Variants in EML5 observed in about 807,000 individuals in gnomAD.
EML5 encodes the protein EMAP like 5.
A neutral mutation model predicts 250.0 loss-of-function variants in EML5; 120 were observed. The ratio of observed to expected loss-of-function variants is 0.48; its 90% CI spans 0.41 to 0.56. The LOEUF is 0.56. EML5 is among the 20% of genes least tolerant of loss of function. EML5 has a pLI of 0.00. For missense variants in EML5, 2,006 were observed against 2,437.6 expected (o/e 0.82, Z 3.73); for synonymous variants, 771 against 806.5 (o/e 0.96, Z 0.75).
intron 29 of EML5, 22 bp from the exon 30 acceptor site, chr14:88,644,533 G>C: frequency 6.2e-7 from 1 of 1,611,954 alleles, no homozygotes; most frequent in Admixed American, 1.7e-5. Context: ...AAGTGGGGAG[G>C]AGGAAAGGCA....
At chr14:88,682,167 C>T (rs2092726961) in intron 20 of EML5, 136 bp from the exon 21 acceptor site, 2 of 920,164 alleles carry the variant, frequency 2.2e-6, no homozygotes, top group Non-Finnish European at 2.9e-6. Context: ...TCTATCAAAA[C>T]TTTTCTGTTT....
chr14:88,783,697 G>A (rs1282113188), intron 1 of EML5, among the ~76,000 whole-genome samples: 1 of 152,110 alleles, frequency 6.6e-6, no homozygotes, highest in Non-Finnish European at 1.5e-5. Flanking sequence ...AGAGAGACAG[G>A]CCCCAATATA....
chr14:88,733,212 C>T (rs2093788020), intron 7 of EML5, among the ~76,000 whole-genome samples: 1 of 152,216 alleles, frequency 6.6e-6, no homozygotes, highest in Non-Finnish European at 1.5e-5. Flanking sequence ...GTTGGACTAT[C>T]CTCCTTTGGC....
intron 25 of EML5, among the ~76,000 whole-genome samples, chr14:88,660,952 TGTAA>T (rs2092076748): frequency 6.6e-6 from 1 of 152,126 alleles, no homozygotes; most frequent in African/African-American, 2.4e-5. Flanking sequence ...ATTTTATAAG[TGTAA>T]GTATTTTCTA....
intron 21 of EML5, among the ~76,000 whole-genome samples, chr14:88,680,114 T>C (rs530014144): frequency 2.0e-5 from 3 of 152,336 alleles, no homozygotes; most frequent in Non-Finnish European, 4.4e-5. Context: ...TATACTTATA[T>C]TATGATTTTG....
chr14:88,624,986 C>A lies in EML5; in HGVS notation c.4882G>T (p.Gly1628Trp). Residue 1628 changes from glycine (G) to tryptophan (W), a missense_variant, in exon 36 of 44, where the codon GGG (glycine) becomes TGG (tryptophan). Transcript: ENST00000554922. ...TTLRDGLIVT[G>W]GKERPSKEGG... ...AGGACTCACGGCCTTTCCTTTCCCC[C>A]AGTCACGATAAGTCCATCTCGCAGG... 6.2e-7 allele frequency: 1 copy of A among 1,613,434 alleles called. No individual in the cohort carries two copies. Among genetic ancestry groups the A allele is most frequent in the Non-Finnish European group, 8.5e-7 (1 of 1,179,604 alleles).
chr14:88,761,068 A>G (rs2094234728), intron 1 of EML5, among the ~76,000 whole-genome samples: 1 of 152,166 alleles, frequency 6.6e-6, no homozygotes, highest in Admixed American at 6.5e-5. Context: ...TAAAAAATAA[A>G]TTATTTGGAA....
At chr14:88,665,285 A>C (rs1049342782) in intron 22 of EML5, 52 bp downstream of exon 22, 1 of 1,539,420 alleles carries the variant, frequency 6.5e-7, no homozygotes, top group Non-Finnish European at 8.8e-7. Flanking sequence ...TGATACATTT[A>C]TACACTGCCA....
chr14:88,616,083 TA>T, intron 43 of EML5, 58 bp downstream of exon 43: 1 of 1,554,676 alleles, frequency 6.4e-7, no homozygotes, highest in Non-Finnish European at 8.9e-7. Context: ...GGAGTTGTTG[TA>T]TTAAGTCTCT....
intron 12 of EML5, 90 bp from the exon 13 acceptor site, chr14:88,705,068 T>C: frequency 1.2e-6 from 1 of 833,716 alleles, no homozygotes; most frequent in Non-Finnish European, 1.8e-6. Flanking sequence ...AGACATTGTC[T>C]GAAAACAACA....
chr14:88,643,091 TAC>T (rs2091159030), intron 30 of EML5, 69 bp from the exon 31 acceptor site: 2 of 1,393,186 alleles, frequency 1.4e-6, no homozygotes, highest in Non-Finnish European at 1.9e-6. Flanking sequence ...TTTTGTTGTA[TAC>T]GTAATACTAG....
At chr14:88,764,094 G>A (rs893613124) in intron 1 of EML5, among the ~76,000 whole-genome samples, 4 of 152,084 alleles carry the variant, frequency 2.6e-5, no homozygotes, top group Admixed American at 6.6e-5. Flanking sequence ...AATCCTACCT[G>A]GAATGAAACC....
At chr14:88,756,660 TA>T (rs1045267959) in intron 1 of EML5, among the ~76,000 whole-genome samples, 1 of 152,010 alleles carries the variant, frequency 6.6e-6, no homozygotes, top group Admixed American at 6.6e-5. Context: ...ACGATCAACA[TA>T]AAAAATCTAT....
At chr14:88,618,390 G>A (rs2088123892) in intron 40 of EML5, 59 bp from the exon 41 acceptor site, 7 of 1,460,062 alleles carry the variant, frequency 4.8e-6, no homozygotes, top group Admixed American at 3.5e-5. Context: ...AAAATCCACA[G>A]GGGGTTTACA....
intron 17 of EML5, among the ~76,000 whole-genome samples, chr14:88,690,142 C>T (rs765964246): frequency 3.3e-5 from 5 of 152,082 alleles, no homozygotes; most frequent in African/African-American, 1.2e-4. Context: ...TCCAGGGAGA[C>T]AAGTATGGAG....
At chr14:88,658,709 G>A (rs1205235425) in intron 25 of EML5, among the ~76,000 whole-genome samples, 1 of 152,076 alleles carries the variant, frequency 6.6e-6, no homozygotes, top group Admixed American at 6.6e-5. Context: ...AGGGATCTAT[G>A]CTAAGAAATG....
At chr14:88,632,015 T>G (rs1208881024) in intron 33 of EML5, among the ~76,000 whole-genome samples, 1 of 152,162 alleles carries the variant, frequency 6.6e-6, no homozygotes, top group African/African-American at 2.4e-5. Flanking sequence ...AATCTACCAG[T>G]CTTCTTATAT....
chr14:88,643,046 T>C (rs2091155851), intron 30 of EML5, 24 bp from the exon 31 acceptor site: 8 of 1,545,736 alleles, frequency 5.2e-6, no homozygotes, highest in Non-Finnish European at 5.2e-6. Context: ...AATAAAACCA[T>C]TATATTCTTC....
At chr14:88,743,710 T>C (rs934565978) in intron 4 of EML5, among the ~76,000 whole-genome samples, 6 of 152,096 alleles carry the variant, frequency 3.9e-5, no homozygotes, top group Non-Finnish European at 8.8e-5. Flanking sequence ...TTCTTTCCTA[T>C]TCTCAACATT....
Sources: gnomAD v4.1 joint callset for allele counts (sites outside exome capture counted in the v4.1 genomes callset) on GRCh38, gnomAD v4.1.1 for gene constraint, MANE v1.5 for transcripts, NCBI Gene and HGNC (gene_info 2026-07-23, HGNC 2026-07-21) for gene names.